ZNRF2: variants seen among roughly 807,000 people sequenced by gnomAD.
ZNRF2 encodes the protein E3 ubiquitin-protein ligase ZNRF2.
ZNRF2 carries 16 observed loss-of-function variants against 20.4 expected under a neutral mutation model. The ratio of observed to expected loss-of-function variants is 0.79; its 90% CI spans 0.53 to 1.19. The LOEUF (loss-of-function observed/expected upper bound fraction) is 1.19. ZNRF2 is among the 50% of genes most tolerant of loss of function. The pLI is 0.00. For missense variants in ZNRF2, 363 were observed against 332.4 expected, an observed-to-expected ratio of 1.09 and a Z score of -0.72; for synonymous variants, 178 against 144.9, an observed-to-expected ratio of 1.23 and a Z score of -1.64.
At chr7:30,358,992 G>GA (rs1800082252) in intron 3 of ZNRF2, among the ~76,000 whole-genome samples, 2 of 152,112 alleles carry the variant, frequency 1.3e-5, no homozygotes, top group African/African-American at 4.8e-5. Flanking sequence ...TTGAATAAAT[G>GA]AAAAAAATTG....
At chr7:30,326,724 A>G (rs994713439) in intron 2 of ZNRF2, among the ~76,000 whole-genome samples, 2 of 152,172 alleles carry the variant, frequency 1.3e-5, no homozygotes, top group Admixed American at 1.3e-4. Flanking sequence ...TGTCTTCCAC[A>G]ATGGTTGAAC....
At chr7:30,327,828 A>G (rs1029187049) in intron 2 of ZNRF2, among the ~76,000 whole-genome samples, 1 of 152,030 alleles carries the variant, frequency 6.6e-6, no homozygotes, top group Admixed American at 6.6e-5. Flanking sequence ...CAGCCTCCTA[A>G]GTAGCTAGGA....
intron 1 of ZNRF2, among the ~76,000 whole-genome samples, chr7:30,306,120 C>T (rs1799200335): frequency 6.6e-6 from 1 of 152,148 alleles, no homozygotes; most frequent in South Asian, 2.1e-4. Context: ...GATAATGTAG[C>T]ATTTAGCAAA....
rs71528600 is a variant in ZNRF2 at position 30,322,427 on chromosome 7, G to A, written c.470-1215G>A. Among the ~76,000 whole-genome samples the A allele has an allele frequency of 3.5e-3, 537 of 152,164 alleles. 2 individuals are homozygous for A. Among genetic ancestry groups the A allele is most frequent in the Non-Finnish European group, 3.9e-3 (266 of 68,010 alleles). ...GTTGGAACTAGAGAGCTGCCAAAACGTCTCTTTCACCACCCATCTTATTAG... is the reference window on the plus strand; with the variant it reads ...GTTGGAACTAGAGAGCTGCCAAAACATCTCTTTCACCACCCATCTTATTAG... On this transcript the variant is annotated intron_variant, in intron 1 of 4. Coordinates refer to ENST00000323037, the MANE Select transcript of ZNRF2 (RefSeq NM_147128.4).
At chr7:30,352,091 A>G (rs1349943430) in intron 2 of ZNRF2, among the ~76,000 whole-genome samples, 1 of 152,040 alleles carries the variant, frequency 6.6e-6, no homozygotes, top group East Asian at 1.9e-4. Context: ...TTTATAACTT[A>G]TAAAGTTTTT....
At chr7:30,302,343 T>C (rs1799130971) in intron 1 of ZNRF2, among the ~76,000 whole-genome samples, 2 of 152,200 alleles carry the variant, frequency 1.3e-5, no homozygotes, top group African/African-American at 4.8e-5. Flanking sequence ...CTCTGTATCT[T>C]ATTTTTCTTT....
chr7:30,301,382 C>T (rs1799111240), intron 1 of ZNRF2, among the ~76,000 whole-genome samples: 1 of 152,098 alleles, frequency 6.6e-6, no homozygotes, highest in Non-Finnish European at 1.5e-5. Flanking sequence ...ACTTGGGAGG[C>T]TGAGGCAGGA....
intron 1 of ZNRF2, among the ~76,000 whole-genome samples, chr7:30,315,686 TTAAG>T (rs1341328902): frequency 7.9e-6 from 1 of 127,278 alleles, no homozygotes; most frequent in African/African-American, 2.9e-5. Context: ...GATCCCATAA[TTAAG>T]TTTGTTTTTT....
intron 2 of ZNRF2, among the ~76,000 whole-genome samples, chr7:30,343,544 CTA>C (rs1799829864): frequency 6.6e-6 from 1 of 151,922 alleles, no homozygotes; most frequent in Non-Finnish European, 1.5e-5. Context: ...ATAAACATAA[CTA>C]TTATAACTTG....
At chr7:30,301,666 T>C (rs1799116202) in intron 1 of ZNRF2, among the ~76,000 whole-genome samples, 1 of 145,558 alleles carries the variant, frequency 6.9e-6, no homozygotes, top group Non-Finnish European at 1.5e-5. Flanking sequence ...GGCTTTACTT[T>C]CCAAAATGGA....
intron 1 of ZNRF2, among the ~76,000 whole-genome samples, chr7:30,293,320 C>G (rs1254381454): frequency 6.7e-6 from 1 of 149,376 alleles, no homozygotes. Flanking sequence ...GCGATCTTGG[C>G]TCACTGCAAC....
intron 2 of ZNRF2, among the ~76,000 whole-genome samples, chr7:30,352,671 TG>T (rs778624321): frequency 9.2e-5 from 14 of 152,078 alleles, no homozygotes; most frequent in Non-Finnish European, 5.9e-5. Context: ...TAGTTAAATC[TG>T]TGAGTGTTCC....
chr7:30,351,977 A>G (rs796495191), intron 2 of ZNRF2, among the ~76,000 whole-genome samples: 3 of 152,148 alleles, frequency 2.0e-5, no homozygotes, highest in South Asian at 4.1e-4. Flanking sequence ...AACAAGTGGA[A>G]TACCAAGATG....
At chr7:30,328,793 CG>C (rs1424475421) in intron 2 of ZNRF2, among the ~76,000 whole-genome samples, 1 of 152,118 alleles carries the variant, frequency 6.6e-6, no homozygotes, top group African/African-American at 2.4e-5. Context: ...GCAGCTGGCT[CG>C]GCAGAGATCC....
At chr7:30,334,962 G>A (rs1799694227) in intron 2 of ZNRF2, among the ~76,000 whole-genome samples, 1 of 151,926 alleles carries the variant, frequency 6.6e-6, no homozygotes, top group African/African-American at 2.4e-5. Context: ...AAAAGTACAT[G>A]GATAAATGTA....
At chr7:30,365,147 CTTTTTTT>C (rs533354831) in intron 4 of ZNRF2, among the ~76,000 whole-genome samples, 1 of 70,330 alleles carries the variant, frequency 1.4e-5, no homozygotes, top group Admixed American at 1.7e-4. Context: ...AGCTGATAAG[CTTTTTTT>C]TTTTTTTTTT....
At chr7:30,355,668 A>G (rs1039610378) in intron 2 of ZNRF2, 60 bp from the exon 3 acceptor site, 20 of 1,403,456 alleles carry the variant, frequency 1.4e-5, no homozygotes, top group Middle Eastern at 3.5e-4. Flanking sequence ...CATTCACGTA[A>G]TTCTTTTTTC....
intron 1 of ZNRF2, among the ~76,000 whole-genome samples, chr7:30,286,925 T>G (rs1178015490): frequency 6.6e-6 from 1 of 152,220 alleles, no homozygotes; most frequent in African/African-American, 2.4e-5. Flanking sequence ...CTTAGTAAAG[T>G]GGAATACGTA....
At chr7:30,345,868 C>T (rs554002518) in intron 2 of ZNRF2, among the ~76,000 whole-genome samples, 68 of 152,050 alleles carry the variant, frequency 4.5e-4, no homozygotes, top group Non-Finnish European at 8.8e-4. Flanking sequence ...CCCATAGTTG[C>T]GTTACAGTTC....
Sources: allele counts gnomAD v4.1 joint callset (sites outside exome capture counted in the v4.1 genomes callset), GRCh38; gene constraint gnomAD v4.1.1; transcripts MANE v1.5; gene names NCBI Gene and HGNC (gene_info 2026-07-23, HGNC 2026-07-21).